The following GNPNAT1 variants were observed in gnomAD, a reference collection of about 807,000 sequenced individuals.
The protein encoded by GNPNAT1 is glucosamine-phosphate N-acetyltransferase 1.
Under a neutral mutation model 19.8 loss-of-function variants are expected in GNPNAT1, and 11 were observed. The ratio of observed to expected loss-of-function variants is 0.56; its 90% CI spans 0.35 to 0.92. The LOEUF (loss-of-function observed/expected upper bound fraction) is 0.92. GNPNAT1 is among the 40% of genes least tolerant of loss of function. GNPNAT1 has a pLI of 0.01. For synonymous variants in GNPNAT1, 71 were observed against 72.3 expected, an observed-to-expected ratio of 0.98 and a Z score of 0.09; for missense variants, 157 against 211.0, an observed-to-expected ratio of 0.74 and a Z score of 1.59.
At chr14:52,788,362 G>A (rs886425232) in intron 1 of GNPNAT1, among the ~76,000 whole-genome samples, 3 of 152,162 alleles carry the variant, frequency 2.0e-5, no homozygotes, top group Non-Finnish European at 4.4e-5. Context: ...TTGAACTCCT[G>A]ACCTCAAGTG....
intron 1 of GNPNAT1, among the ~76,000 whole-genome samples, chr14:52,785,947 C>T (rs140433601): frequency 1.0e-3 from 152 of 150,458 alleles, no homozygotes; most frequent in African/African-American, 3.2e-3. Context: ...GACGGAGTTT[C>T]GCCATGTCAG....
At chr14:52,785,992 TC>T (rs1284064150) in intron 1 of GNPNAT1, among the ~76,000 whole-genome samples, 1 of 149,572 alleles carries the variant, frequency 6.7e-6, no homozygotes, top group Non-Finnish European at 1.5e-5. Context: ...CTCGGGTGAT[TC>T]GCCTGCCTCA....
chr14:52,777,391 C>T lies in GNPNAT1; in HGVS notation c.*920G>A, dbSNP rs2139956972. On this transcript the variant is annotated 3_prime_UTR_variant, in exon 6 of 6. Coordinates refer to ENST00000216410, the MANE Select transcript of GNPNAT1 (RefSeq NM_198066.4). ...GACCAGAATAGTGCCATTATAATCA[C>T]ATCAAAAAGCTTCCATTAACATTTT... is the stretch of plus-strand genomic sequence containing the variant. 6.6e-6 allele frequency: 1 copy of T among 151,652 alleles called. No individual in the cohort carries two copies. The highest frequency in any genetic ancestry group is 1.9e-4 in the East Asian group (1 of 5,190). 9.4% of individuals were successfully genotyped at this position (151,652 alleles called of 1,614,324 possible). A position where few individuals can be genotyped will look rare whatever the true frequency, so the allele number is the denominator to read the frequency against.
At chr14:52,780,992 G>C (rs534209862) in intron 4 of GNPNAT1, among the ~76,000 whole-genome samples, 24 of 151,786 alleles carry the variant, frequency 1.6e-4, no homozygotes, top group Non-Finnish European at 2.4e-4. Flanking sequence ...AGAGAAGCTG[G>C]GGCAAATCTG....
At chr14:52,790,048 A>G (rs1201312491) in intron 1 of GNPNAT1, among the ~76,000 whole-genome samples, 1 of 151,812 alleles carries the variant, frequency 6.6e-6, no homozygotes, top group Admixed American at 6.6e-5. Flanking sequence ...GCATACACCA[A>G]ATTCATTTTT....
chr14:52,783,284 A>G lies in GNPNAT1; in HGVS notation c.217+139T>C, dbSNP rs373136749. The G allele has an allele frequency of 2.7e-5, 16 of 582,634 alleles. No individual in the cohort carries two copies. In the East Asian group the frequency reaches 3.2e-4, roughly 12 times the overall value. The allele number at this position is 582,634 out of a possible 1,614,324, so 36.1% of individuals were successfully genotyped here. ...CTAGAACAACTCAGCCACATTAAACATTTGTATAAAACAGCTAATTTGTTC... is the reference window on the plus strand; with the variant it reads ...CTAGAACAACTCAGCCACATTAAACGTTTGTATAAAACAGCTAATTTGTTC... On this transcript the variant is annotated intron_variant, in intron 3 of 5. Coordinates refer to ENST00000216410, the MANE Select transcript of GNPNAT1 (RefSeq NM_198066.4).
chr14:52,782,666 G>T (rs1426926498), intron 3 of GNPNAT1, among the ~76,000 whole-genome samples: 3 of 143,236 alleles, frequency 2.1e-5, no homozygotes, highest in South Asian at 2.3e-4. Flanking sequence ...TCCAGATAGA[G>T]ATCTAAAATG....
At chr14:52,781,691 G>T in intron 4 of GNPNAT1, 93 bp downstream of exon 4, 1 of 1,225,622 alleles carries the variant, frequency 8.2e-7, no homozygotes, top group Non-Finnish European at 1.1e-6. Context: ...AAGAGGCACT[G>T]AAAATCAATG....
At chr14:52,787,227 C>T (rs1429299616) in intron 1 of GNPNAT1, among the ~76,000 whole-genome samples, 2 of 152,048 alleles carry the variant, frequency 1.3e-5, no homozygotes, top group African/African-American at 4.8e-5. Flanking sequence ...ACCTAACCCC[C>T]AATTGTTCCT....
chr14:52,779,548 C>G (rs991879566), intron 5 of GNPNAT1, among the ~76,000 whole-genome samples: 1 of 151,598 alleles, frequency 6.6e-6, no homozygotes, highest in Non-Finnish European at 1.5e-5. Flanking sequence ...AGCAACATAG[C>G]AAAACCCTAT....
chr14:52,778,546 CTT>C (rs1004212080), intron 5 of GNPNAT1, 88 bp from the exon 6 acceptor site: 1 of 1,130,174 alleles, frequency 8.8e-7, no homozygotes, highest in Non-Finnish European at 1.3e-6. Flanking sequence ...TGTTATAAAA[CTT>C]AAGTTTCCTT....
intron 5 of GNPNAT1, among the ~76,000 whole-genome samples, chr14:52,780,418 C>T (rs1431665773): frequency 1.3e-5 from 2 of 152,036 alleles, no homozygotes; most frequent in Non-Finnish European, 2.9e-5. Context: ...AGTTTATCTC[C>T]TACTAGGACG....
At chr14:52,785,059 G>A (rs1289862704) in intron 1 of GNPNAT1, among the ~76,000 whole-genome samples, 1 of 151,134 alleles carries the variant, frequency 6.6e-6, no homozygotes, top group Admixed American at 6.6e-5. Flanking sequence ...CTGAGTATCT[G>A]GGATTATAGG....
At chr14:52,783,679 A>G (rs1882946887) in intron 2 of GNPNAT1, among the ~76,000 whole-genome samples, 194 bp from the exon 3 acceptor site, 1 of 152,154 alleles carries the variant, frequency 6.6e-6, no homozygotes, top group South Asian at 2.1e-4. Flanking sequence ...AGGTTTTACC[A>G]GTGCTTCTGC....
At position 52,791,326 on chromosome 14, in the gene GNPNAT1, G is replaced by C. The variant is rs907556326; in HGVS notation, c.-15+102C>G. The C allele has an allele frequency of 2.0e-5, 3 of 152,492 alleles. No individual in the cohort carries two copies. Among genetic ancestry groups the C allele is most frequent in the Non-Finnish European group, 1.5e-5 (1 of 68,366 alleles). The allele number at this position is 152,492 out of a possible 1,614,324, so 9.4% of individuals were successfully genotyped here. A position where few individuals can be genotyped will look rare whatever the true frequency, so the allele number is the denominator to read the frequency against. On this transcript the variant is annotated intron_variant, in intron 1 of 5. Transcript: ENST00000216410. This position sits in a 1 kb window ranked among gnomAD's most constrained non-coding sequence, Gnocchi z 4.1. ...ACACAACACCCCCGGGGGCCTGGCC[G>C]GGGCACCAGACACACCTGTTAGATA... is the stretch of plus-strand genomic sequence containing the variant.
At chr14:52,779,793 G>A (rs1486039673) in intron 5 of GNPNAT1, among the ~76,000 whole-genome samples, 1 of 137,318 alleles carries the variant, frequency 7.3e-6, no homozygotes, top group Non-Finnish European at 1.5e-5. Context: ...GGTCTGTTTT[G>A]TTCACTGAGG....
At chr14:52,780,588 T>C in intron 5 of GNPNAT1, 91 bp downstream of exon 5, 1 of 781,558 alleles carries the variant, frequency 1.3e-6, no homozygotes, top group Non-Finnish European at 2.3e-6. Context: ...TCAGAATTAA[T>C]GAAGCCAAAA....
chr14:52,781,109 G>C (rs1267848128), intron 4 of GNPNAT1, among the ~76,000 whole-genome samples: 3 of 152,038 alleles, frequency 2.0e-5, no homozygotes, highest in Non-Finnish European at 2.9e-5. Context: ...GTCAAGTTGT[G>C]ACCTAAACTT....
chr14:52,781,877 A>G lies in GNPNAT1; in HGVS notation c.252T>C (p.Tyr84=). Reference sequence around the variant, plus strand: ...TCACATCTTCTACAACTGTAACATAATAATCCCCAGATTTCTTCATATGCT... The same window carrying G: ...TCACATCTTCTACAACTGTAACATAGTAATCCCCAGATTTCTTCATATGCT... ...SFEHMKKSGD[Y]YVTVVEDVTL... is the part of the protein sequence containing the mutation. The change falls in exon 4 of 6, where the codon TAT becomes TAC. Residue 84 remains tyrosine, a synonymous_variant. Transcript: ENST00000216410. 6.2e-7 allele frequency: 1 copy of G among 1,608,986 alleles called. No individual in the cohort carries two copies. Among genetic ancestry groups the G allele is most frequent in the Non-Finnish European group, 8.5e-7 (1 of 1,177,948 alleles).
Sources: allele counts gnomAD v4.1 joint callset (sites outside exome capture counted in the v4.1 genomes callset), GRCh38; gene constraint gnomAD v4.1.1; non-coding constraint Gnocchi (gnomAD v3.1); transcripts MANE v1.5; gene names NCBI Gene and HGNC (gene_info 2026-07-23, HGNC 2026-07-21).